SLC68A1: variants seen among roughly 807,000 people sequenced by gnomAD.
SLC68A1 encodes the protein major facilitator superfamily domain containing 13A.
At chr10:102,470,837 G>T in the SLC68A1 span, 2 of 1,613,530 alleles carry the variant, frequency 1.2e-6, no homozygotes, top group Non-Finnish European at 1.7e-6. Context: ...GACGCTCGTG[G>T]ACCTGCACCA....
the SLC68A1 span, chr10:102,471,905 G>T: frequency 8.2e-6 from 3 of 364,546 alleles, no homozygotes; most frequent in South Asian, 3.9e-5. Context: ...TGTGATCTTA[G>T]GCAGGTCTCA....
chr10:102,463,344 T>C, the SLC68A1 span, among the ~76,000 whole-genome samples: 1 of 152,194 alleles, frequency 6.6e-6, no homozygotes, highest in East Asian at 1.9e-4. Flanking sequence ...GGCTAATTTT[T>C]GTATTTTTAG....
chr10:102,475,070 T>C, the SLC68A1 span, among the ~76,000 whole-genome samples: 1 of 151,710 alleles, frequency 6.6e-6, no homozygotes, highest in African/African-American at 2.4e-5. Context: ...GGAGGGCAGA[T>C]CACCTGAGGT....
At chr10:102,473,484 G>C in the SLC68A1 span, 1 of 1,372,208 alleles carries the variant, frequency 7.3e-7, no homozygotes, top group Non-Finnish European at 1.0e-6. Context: ...CTAGTGTACA[G>C]GAATGCAGTC....
At chr10:102,464,153 T>C in the SLC68A1 span, among the ~76,000 whole-genome samples, 2 of 152,202 alleles carry the variant, frequency 1.3e-5, no homozygotes, top group African/African-American at 2.4e-5. Flanking sequence ...ACCTAGTGAC[T>C]GATCTTTAAA....
At chr10:102,466,366 C>T in the SLC68A1 span, among the ~76,000 whole-genome samples, 2 of 151,484 alleles carry the variant, frequency 1.3e-5, no homozygotes, top group African/African-American at 4.9e-5. Context: ...GCCTGTAATC[C>T]CAGCTACTCG....
the SLC68A1 span, among the ~76,000 whole-genome samples, chr10:102,474,357 A>G: frequency 6.6e-6 from 1 of 152,206 alleles, no homozygotes; most frequent in Non-Finnish European, 1.5e-5. Context: ...ACAAGACATT[A>G]TCAGGCAGTA....
chr10:102,472,398 G>A, the SLC68A1 span: 1 of 279,330 alleles, frequency 3.6e-6, no homozygotes, highest in African/African-American at 2.3e-5. Flanking sequence ...GGGTAGCTGG[G>A]ATTATAGGCA....
chr10:102,465,298 G>A, the SLC68A1 span, among the ~76,000 whole-genome samples: 1 of 151,336 alleles, frequency 6.6e-6, no homozygotes, highest in Non-Finnish European at 1.5e-5. Context: ...GGTGGCAGGC[G>A]CCTGTAATCC....
the SLC68A1 span, among the ~76,000 whole-genome samples, chr10:102,469,554 T>TG: frequency 1.3e-5 from 2 of 150,642 alleles, no homozygotes; most frequent in Admixed American, 1.3e-4. Context: ...GTTTTTTTGT[T>TG]TTTTTTTTTG....
chr10:102,466,558 G>A, the SLC68A1 span, among the ~76,000 whole-genome samples: 1 of 151,766 alleles, frequency 6.6e-6, no homozygotes, highest in East Asian at 1.9e-4. Context: ...CAGAAGGGTT[G>A]AATTGCCTGA....
the SLC68A1 span, chr10:102,470,754 T>G: frequency 6.2e-7 from 1 of 1,613,974 alleles, no homozygotes; most frequent in Non-Finnish European, 8.5e-7. Flanking sequence ...CTGTCGTTCC[T>G]GGCGTTCTGG....
At chr10:102,473,494 C>T in the SLC68A1 span, 8 of 1,430,628 alleles carry the variant, frequency 5.6e-6, no homozygotes, top group African/African-American at 4.3e-5. Context: ...GGAATGCAGT[C>T]GGCTGTGAAG....
the SLC68A1 span, chr10:102,472,104 A>G: frequency 4.4e-6 from 2 of 450,328 alleles, no homozygotes; most frequent in East Asian, 1.4e-4. Context: ...TCGAGGCTGC[A>G]ATGAGTTATG....
At chr10:102,472,948 T>C in the SLC68A1 span, 1 of 1,611,980 alleles carries the variant, frequency 6.2e-7, no homozygotes, top group South Asian at 1.1e-5. Context: ...TCCATCCTGT[T>C]GGGTGAGTGT....
the SLC68A1 span, among the ~76,000 whole-genome samples, chr10:102,465,337 AT>A: frequency 6.6e-6 from 1 of 152,074 alleles, no homozygotes; most frequent in Non-Finnish European, 1.5e-5. Flanking sequence ...AGGAAGGAGA[AT>A]TGCTTGAACC....
At chr10:102,476,161 A>G in the SLC68A1 span, 3 of 1,144,976 alleles carry the variant, frequency 2.6e-6, no homozygotes, top group Non-Finnish European at 3.4e-6. Flanking sequence ...ACCACCACCC[A>G]GGTTCAAGCA....
chr10:102,470,531 A>C, the SLC68A1 span: 1 of 1,410,896 alleles, frequency 7.1e-7, no homozygotes, highest in South Asian at 1.4e-5. Flanking sequence ...CTGGGGACTT[A>C]GGGGACAGTG....
chr10:102,471,133 C>T, the SLC68A1 span: 76 of 1,607,532 alleles, frequency 4.7e-5, no homozygotes, highest in Non-Finnish European at 5.6e-5. Flanking sequence ...TGGCCAGCCC[C>T]GGCTCTTCAG....
Sources: gnomAD v4.1 joint callset for allele counts (sites outside exome capture counted in the v4.1 genomes callset) on GRCh38, gnomAD v4.1.1 for gene constraint, MANE v1.5 for transcripts, NCBI Gene and HGNC (gene_info 2026-07-23, HGNC 2026-07-21) for gene names.